The following FSTL1 variants were observed in gnomAD, a reference collection of about 807,000 sequenced individuals.
FSTL1 encodes the protein follistatin-related protein 1.
A neutral mutation model predicts 45.9 loss-of-function variants in FSTL1; 24 were observed. The ratio of observed to expected loss-of-function variants is 0.52; its 90% CI spans 0.38 to 0.74. The LOEUF (loss-of-function observed/expected upper bound fraction) is 0.74. Ranked by LOEUF, FSTL1 falls within the 30% of genes least tolerant of loss-of-function variation. The pLI is 0.00. For missense variants in FSTL1, 340 were observed against 381.8 expected (o/e 0.89, Z 0.91); for synonymous variants, 120 against 137.6 (o/e 0.87, Z 0.89).
At chr3:120,440,042 T>A (rs1203420586) in intron 2 of FSTL1, among the ~76,000 whole-genome samples, 4 of 152,072 alleles carry the variant, frequency 2.6e-5, no homozygotes, top group African/African-American at 9.7e-5. Context: ...TAAGCCAGGA[T>A]GTAGAGGCTG....
intron 2 of FSTL1, among the ~76,000 whole-genome samples, chr3:120,449,615 G>A (rs1937836904): frequency 6.6e-6 from 1 of 152,174 alleles, no homozygotes. Flanking sequence ...CAACGTAGTA[G>A]TGAATTAAAT....
chr3:120,395,722 A>G lies in FSTL1; in HGVS notation c.*1230T>C, dbSNP rs983004299. On this transcript the variant is annotated 3_prime_UTR_variant, in exon 11 of 11. Transcript: ENST00000295633. ...TCACAGGAACCTATCTCCCCTCTGG[A>G]CCAATGATCAGAACCACAGAATTTA... 3 of 534,484 alleles carry G rather than the reference A, an allele frequency of 5.6e-6. No homozygotes were observed. In the African/African-American group the frequency reaches 5.8e-5, roughly 10 times the overall value. 33.1% of individuals were successfully genotyped at this position (534,484 alleles called of 1,614,324 possible).
chr3:120,405,504 A>C (rs1317305031), intron 6 of FSTL1, among the ~76,000 whole-genome samples: 2 of 152,182 alleles, frequency 1.3e-5, no homozygotes, highest in Admixed American at 6.5e-5. Context: ...TCCTGTTCTC[A>C]GTGCTTAACT....
chr3:120,428,543 G>C (rs997507208), intron 2 of FSTL1, among the ~76,000 whole-genome samples: 3 of 152,108 alleles, frequency 2.0e-5, no homozygotes, highest in Admixed American at 2.0e-4. Context: ...GACCAGCCTG[G>C]CCAACATGGT....
intron 2 of FSTL1, among the ~76,000 whole-genome samples, chr3:120,430,623 G>A (rs1045083466): frequency 6.6e-6 from 1 of 152,156 alleles, no homozygotes; most frequent in African/African-American, 2.4e-5. Context: ...CCTTTGAAAA[G>A]AAAAGCAACA....
chr3:120,404,998 A>T lies in FSTL1; in HGVS notation c.463-27T>A, dbSNP rs571541119. The T allele has an allele frequency of 1.8e-5, 22 of 1,198,200 alleles. No individual in the cohort carries two copies. In the East Asian group the frequency reaches 4.6e-4, roughly 25 times the overall value. 74.2% of individuals were successfully genotyped at this position (1,198,200 alleles called of 1,614,324 possible). On this transcript the variant is annotated intron_variant, in intron 6 of 10. Transcript: ENST00000295633. ...TAGAAAGGGCATGACAAGATCGTTC[A>T]GGGATGTTTTGCAGAACCCCTGTTC...
chr3:120,411,676 C>A (rs1937056226), intron 4 of FSTL1, among the ~76,000 whole-genome samples, 178 bp downstream of exon 4: 2 of 152,232 alleles, frequency 1.3e-5, no homozygotes, highest in Admixed American at 1.3e-4. Flanking sequence ...CCATCCAGGG[C>A]AAACCCAGCA....
rs920559002 is a variant in FSTL1, at chr3:120,449,467, A to G, written c.63+1217T>C. ...CCCTTAGCATTTAATAGCTGAGAGC[A>G]TTGGGTAACCTTCGCTGACTCAATT... On this transcript the variant is annotated intron_variant, in intron 2 of 10. Transcript: ENST00000295633. Among the ~76,000 whole-genome samples, 2 of 152,206 alleles carry G rather than the reference A, an allele frequency of 1.3e-5. 1 individual carries two copies. The highest frequency in any genetic ancestry group is 3.8e-4 in the East Asian group (2 of 5,202).
At chr3:120,449,416 G>T (rs1937830902) in intron 2 of FSTL1, among the ~76,000 whole-genome samples, 1 of 152,160 alleles carries the variant, frequency 6.6e-6, no homozygotes, top group Admixed American at 6.5e-5. Flanking sequence ...TGGGTCCGGA[G>T]CCAGACTGTT....
At chr3:120,403,981 A>AC (rs763087804) in intron 7 of FSTL1, among the ~76,000 whole-genome samples, 5,936 of 113,894 alleles carry the variant, frequency 0.052, 305 homozygotes, top group Admixed American at 0.16. Context: ...AACAAAAAAA[A>AC]ACAAAAAACA....
Position 120,442,788 on chromosome 3 carries a change from G to GAAAAAA in FSTL1, c.63+7890_63+7895dup, listed in dbSNP as rs749297340. Among the ~76,000 whole-genome samples, 13 of 53,250 alleles carry GAAAAAA rather than the reference G, an allele frequency of 2.4e-4. 2 individuals carry two copies. The highest frequency in any genetic ancestry group is 2.2e-3 in the South Asian group (3 of 1,374). The allele number at this position is 53,250 out of a possible 152,430, so 34.9% of individuals were successfully genotyped here. On this transcript the variant is annotated intron_variant, in intron 2 of 10. Coordinates refer to ENST00000295633, the MANE Select transcript of FSTL1 (RefSeq NM_007085.5). ...ACAGAGCGGACTCCATCTCAAAAAA[G>GAAAAAA]AAAAAAAAAAAAAAAAAAAAAAGCA...
chr3:120,426,613 TA>T (rs1377612488), intron 2 of FSTL1, among the ~76,000 whole-genome samples: 1 of 152,152 alleles, frequency 6.6e-6, no homozygotes, highest in African/African-American at 2.4e-5. Flanking sequence ...GCTGGAACAG[TA>T]CCCCCATCAC....
At chr3:120,403,709 A>C (rs1936875659) in intron 7 of FSTL1, among the ~76,000 whole-genome samples, 1 of 152,182 alleles carries the variant, frequency 6.6e-6, no homozygotes. Context: ...AAGTCAACCA[A>C]ACTAGGAAAA....
intron 10 of FSTL1, among the ~76,000 whole-genome samples, chr3:120,398,434 T>A (rs529057363): frequency 6.6e-6 from 1 of 152,262 alleles, no homozygotes; most frequent in East Asian, 1.9e-4. Flanking sequence ...CCACACACAC[T>A]GATAGGCCAC....
intron 2 of FSTL1, among the ~76,000 whole-genome samples, chr3:120,424,456 G>C (rs1937340281): frequency 6.6e-6 from 1 of 152,208 alleles, no homozygotes; most frequent in Non-Finnish European, 1.5e-5. Flanking sequence ...TCATAGAAGA[G>C]ATGGGACTTG....
chr3:120,430,923 G>A (rs1937465928), intron 2 of FSTL1, among the ~76,000 whole-genome samples: 1 of 152,198 alleles, frequency 6.6e-6, no homozygotes, highest in African/African-American at 2.4e-5. Context: ...GAGCAGTGCT[G>A]TCCAACAGAA....
At chr3:120,399,986 A>G in intron 9 of FSTL1, 27 bp from the exon 10 acceptor site, 1 of 1,514,552 alleles carries the variant, frequency 6.6e-7, no homozygotes, top group Non-Finnish European at 9.1e-7. Flanking sequence ...AGCTCAGAGC[A>G]GTAGCAGCTG....
intron 6 of FSTL1, among the ~76,000 whole-genome samples, chr3:120,406,998 T>G (rs923408410): frequency 6.6e-6 from 1 of 152,250 alleles, no homozygotes. Context: ...TACAATAGTT[T>G]AAATCATTTT....
At position 120,395,682 on chromosome 3, in the gene FSTL1, GAGA is replaced by G. The variant is rs774781039; in HGVS notation, c.*1267_*1269del. On this transcript the variant is annotated 3_prime_UTR_variant, in exon 11 of 11. Coordinates refer to ENST00000295633, the MANE Select transcript of FSTL1 (RefSeq NM_007085.5). ...GTAACAAGATTTCATTTATTCTATAGAGAAGAAGGAAAAATCACAGGAACCTAT... is the reference window on the plus strand; with the variant it reads ...GTAACAAGATTTCATTTATTCTATAGAGAAGGAAAAATCACAGGAACCTAT... The G allele has an allele frequency of 7.5e-6, 4 of 534,394 alleles. No homozygotes were observed. Among genetic ancestry groups the G allele is most frequent in the Non-Finnish European group, 1.5e-5 (4 of 260,054 alleles). The allele number at this position is 534,394 out of a possible 1,614,324, so 33.1% of individuals were successfully genotyped here.
Sources: allele counts gnomAD v4.1 joint callset (sites outside exome capture counted in the v4.1 genomes callset), GRCh38; gene constraint gnomAD v4.1.1; transcripts MANE v1.5; gene names NCBI Gene and HGNC (gene_info 2026-07-23, HGNC 2026-07-21).